SPEF2: variants seen among roughly 807,000 people sequenced by gnomAD.
The protein encoded by SPEF2 is sperm flagellar and cilia associated 2.
A neutral mutation model predicts 224.6 loss-of-function variants in SPEF2; 187 were observed. The observed-to-expected ratio is 0.83, with a 90% CI of 0.74 to 0.94. The LOEUF is 0.94. SPEF2 is among the 40% of genes least tolerant of loss of function. The probability of loss-of-function intolerance (pLI) is 0.00; values close to 1 mark genes in which losing one functional copy is unlikely to be tolerated. For synonymous variants in SPEF2, 715 were observed against 707.3 expected, an observed-to-expected ratio of 1.01 and a Z score of -0.17; for missense variants, 2,170 against 2,135.6, an observed-to-expected ratio of 1.02 and a Z score of -0.32.
At chr5:35,717,569 G>A (rs1316018310) in intron 20 of SPEF2, among the ~76,000 whole-genome samples, 3 of 152,102 alleles carry the variant, frequency 2.0e-5, no homozygotes, top group African/African-American at 7.2e-5. Context: ...GCTCACAGAC[G>A]GCTTAAAGGG....
chr5:35,738,271 G>C (rs1238761839), intron 21 of SPEF2, among the ~76,000 whole-genome samples: 1 of 152,036 alleles, frequency 6.6e-6, no homozygotes. Context: ...TGGTGTTTTA[G>C]ACATGAAGTC....
chr5:35,723,560 A>G (rs887783017), intron 20 of SPEF2, among the ~76,000 whole-genome samples: 3 of 152,206 alleles, frequency 2.0e-5, no homozygotes, highest in African/African-American at 7.2e-5. Flanking sequence ...ATTATTTATA[A>G]TATACCTCTT....
intron 7 of SPEF2, 26 bp from the exon 8 acceptor site, chr5:35,658,993 A>G: frequency 6.7e-7 from 1 of 1,491,934 alleles, no homozygotes; most frequent in South Asian, 1.4e-5. Flanking sequence ...CGTCACTTTA[A>G]CAAATAATTC....
intron 18 of SPEF2, among the ~76,000 whole-genome samples, chr5:35,708,706 A>ATCATCACCTGTAT (rs1561236742): frequency 6.8e-4 from 5 of 7,406 alleles, no homozygotes; most frequent in East Asian, 3.7e-3. Flanking sequence ...CATCACCACC[A>ATCATCACCTGTAT]CTACCCATCA....
intron 3 of SPEF2, among the ~76,000 whole-genome samples, chr5:35,643,915 A>G (rs1024051490): frequency 1.3e-5 from 2 of 152,154 alleles, no homozygotes; most frequent in African/African-American, 2.4e-5. Context: ...GGTAAAGCTG[A>G]AACACAAACC....
At chr5:35,686,607 A>G (rs1753663563) in intron 10 of SPEF2, among the ~76,000 whole-genome samples, 1 of 152,138 alleles carries the variant, frequency 6.6e-6, no homozygotes, top group South Asian at 2.1e-4. Flanking sequence ...ATAAATCAAT[A>G]TACTAATTTA....
At chr5:35,713,963 T>C (rs1380407233) in intron 20 of SPEF2, among the ~76,000 whole-genome samples, 2 of 102,778 alleles carry the variant, frequency 1.9e-5, no homozygotes, top group Admixed American at 1.4e-4. Flanking sequence ...ATTTTATATA[T>C]AGTATATATG....
At chr5:35,780,517 A>G (rs1754185234) in intron 30 of SPEF2, among the ~76,000 whole-genome samples, 1 of 152,162 alleles carries the variant, frequency 6.6e-6, no homozygotes, top group Non-Finnish European at 1.5e-5. Context: ...GCACGAAGGA[A>G]ACATGGCCAT....
chr5:35,755,061 TAGG>T (rs1171858790), intron 24 of SPEF2, among the ~76,000 whole-genome samples: 2 of 151,974 alleles, frequency 1.3e-5, no homozygotes, highest in African/African-American at 4.8e-5. Context: ...GCCACTCAGG[TAGG>T]AGGTTTCAAG....
Position 35,685,240 on chromosome 5 carries a change from C to T in SPEF2, c.1525-5797C>T, listed in dbSNP as rs140904737. On this transcript the variant is annotated intron_variant, in intron 10 of 36. Transcript: ENST00000356031. ...AAATTTATGTATAACTACATTACAC[C>T]AATTTTAAAGAAAAACTTACTATGA... Among the ~76,000 whole-genome samples, 1,216 of 152,000 alleles carry T rather than the reference C, an allele frequency of 8.0e-3. 19 individuals carry two copies. Among genetic ancestry groups the T allele is most frequent in the African/African-American group, 0.028 (1,147 of 41,474 alleles).
intron 15 of SPEF2, chr5:35,699,001 C>G (rs918829184): frequency 2.0e-5 from 3 of 152,118 alleles, no homozygotes; most frequent in Admixed American, 6.6e-5. Flanking sequence ...AGTTATAAAA[C>G]CAAAATGAAG....
In SPEF2 at chr5:35,694,298, A is replaced by G. The variant is rs768332533; in HGVS notation, c.1910A>G (p.His637Arg). ...GTTTTCTCTCCAAAGGATCCACAAC[A>G]TGTATTTTCAGCTGGTCCAGTTTCA... ...EEIKESQDPQ[H>R]VFSAGPVSDE... The change falls in exon 13 of 37, where the codon CAT (histidine) becomes CGT (arginine). Residue 637 changes from histidine (H) to arginine (R), a missense_variant. His to Arg is a conservative substitution (Grantham distance 29). Transcript: ENST00000356031. 28 of 1,613,582 alleles carry G rather than the reference A, an allele frequency of 1.7e-5. No individual in the cohort carries two copies. Among genetic ancestry groups the G allele is most frequent in the Middle Eastern group, 1.7e-4 (1 of 6,050 alleles).
chr5:35,776,140 A>T, intron 28 of SPEF2, 117 bp from the exon 29 acceptor site: 7 of 979,266 alleles, frequency 7.1e-6, no homozygotes, highest in Non-Finnish European at 1.0e-5. Context: ...CTGGTATATT[A>T]AACGTGCACC....
At chr5:35,706,881 AG>A (rs1430873761) in intron 18 of SPEF2, among the ~76,000 whole-genome samples, 1 of 152,224 alleles carries the variant, frequency 6.6e-6, no homozygotes, top group Non-Finnish European at 1.5e-5. Context: ...TTGACAGAAT[AG>A]CAATCTTACA....
chr5:35,663,882 A>AT (rs1424495798), intron 8 of SPEF2, among the ~76,000 whole-genome samples: 3 of 152,090 alleles, frequency 2.0e-5, no homozygotes, highest in Non-Finnish European at 4.4e-5. Flanking sequence ...TGCAGCCAAC[A>AT]TGCTACCCTC....
At chr5:35,809,191 G>T (rs1253719955) in intron 36 of SPEF2, among the ~76,000 whole-genome samples, 1 of 152,026 alleles carries the variant, frequency 6.6e-6, no homozygotes, top group African/African-American at 2.4e-5. Flanking sequence ...GCTGTTAGGG[G>T]TACTATTCAA....
chr5:35,713,946 A>G (rs1741884299), intron 20 of SPEF2, among the ~76,000 whole-genome samples: 1 of 2,518 alleles, frequency 4.0e-4, no homozygotes, highest in Non-Finnish European at 1.1e-3. Flanking sequence ...TATATATAGT[A>G]TTATATATTT....
At chr5:35,698,321 T>C (rs1232591067) in intron 15 of SPEF2, 3 of 152,256 alleles carry the variant, frequency 2.0e-5, no homozygotes, top group African/African-American at 7.2e-5. Context: ...CTACTCTGCA[T>C]CTAGAATGGA....
chr5:35,709,082 G>C lies in SPEF2; in HGVS notation c.2800G>C (p.Ala934Pro), dbSNP rs13170390. The C allele has an allele frequency of 0.78, 1,251,449 of 1,613,346 alleles. 487,090 individuals are homozygous for C. Among genetic ancestry groups the C allele is most frequent in the Middle Eastern group, 0.82 (4,992 of 6,058 alleles). ...GAAGGAAATTCATCAAAGCCATGTG[G>C]CTTCAAAAACTCCTACTGCAAAAGG... ...KEKEIHQSHVASKTPTAKGKP... is the reference protein window; with the variant it reads ...KEKEIHQSHVPSKTPTAKGKP... Residue 934 changes from alanine (A) to proline (P), a missense_variant, in exon 19 of 37, where the codon GCT (alanine) becomes CCT (proline). Transcript: ENST00000356031.
Sources: gnomAD v4.1 joint callset for allele counts (sites outside exome capture counted in the v4.1 genomes callset) on GRCh38, gnomAD v4.1.1 for gene constraint, MANE v1.5 for transcripts, NCBI Gene and HGNC (gene_info 2026-07-23, HGNC 2026-07-21) for gene names.